The following C4orf46 variants were observed in gnomAD, a reference collection of about 807,000 sequenced individuals.
The protein encoded by C4orf46 is chromosome 4 open reading frame 46.
A neutral mutation model predicts 9.1 loss-of-function variants in C4orf46; 8 were observed. The observed-to-expected ratio is 0.88, with a 90% CI of 0.52 to 1.59. C4orf46 has a LOEUF of 1.59. C4orf46 is among the 40% of genes most tolerant of loss of function. The pLI, the probability that C4orf46 is intolerant of heterozygous loss-of-function variation, is 0.00. For synonymous variants in C4orf46, 51 were observed against 58.8 expected (o/e 0.87, Z 0.61); for missense variants, 151 against 139.1 (o/e 1.09, Z -0.43).
Position 158,668,365 on chromosome 4 carries a change from A to G in C4orf46, c.*1248T>C, listed in dbSNP as rs1464590154. 1.3e-5 allele frequency: 2 copies of G among 152,676 alleles called. No homozygotes were observed. Among genetic ancestry groups the G allele is most frequent in the African/African-American group, 4.8e-5 (2 of 41,462 alleles). 9.5% of individuals were successfully genotyped at this position (152,676 alleles called of 1,614,324 possible). ...TATCTTTAACTAAAAAAACTAATCAAGAACTATGACCTAATATGTTAAACA... is the reference window on the plus strand; with the variant it reads ...TATCTTTAACTAAAAAAACTAATCAGGAACTATGACCTAATATGTTAAACA... On this transcript the variant is annotated 3_prime_UTR_variant, in exon 2 of 2. Transcript: ENST00000379205.
chr4:158,669,862 C>T (rs1158146915), intron 1 of C4orf46, 94 bp from the exon 2 acceptor site: 13 of 1,000,764 alleles, frequency 1.3e-5, no homozygotes, highest in Non-Finnish European at 1.9e-5. Context: ...GAATCCAATG[C>T]CCATGTTATT....
intron 1 of C4orf46, among the ~76,000 whole-genome samples, chr4:158,671,282 C>T (rs1407893818): frequency 6.6e-6 from 1 of 152,204 alleles, no homozygotes; most frequent in African/African-American, 2.4e-5. Context: ...AGAGAGCCAG[C>T]AACAGGCAGC....
intron 1 of C4orf46, 78 bp from the exon 2 acceptor site, chr4:158,669,846 G>A (rs1301406598): frequency 1.6e-5 from 20 of 1,230,506 alleles, no homozygotes; most frequent in Admixed American, 1.0e-4. Flanking sequence ...AATAGCTTAA[G>A]GCTTTGAATC....
chr4:158,669,530 C>A lies in C4orf46; in HGVS notation c.*83G>T. ...TACAGAACTGCTGGACAGAGGTCAT[C>A]CTATATGTGTGGTACATGTACAAAA... On this transcript the variant is annotated 3_prime_UTR_variant, in exon 2 of 2. Coordinates refer to ENST00000379205, the MANE Select transcript of C4orf46 (RefSeq NM_001008393.4). 7.2e-7 allele frequency: 1 copy of A among 1,388,158 alleles called. No homozygotes were observed. Among genetic ancestry groups the A allele is most frequent in the Admixed American group, 1.8e-5 (1 of 54,396 alleles). 86.0% of individuals were successfully genotyped at this position (1,388,158 alleles called of 1,614,324 possible).
rs748375809 is a variant in C4orf46 at position 158,671,770 on chromosome 4, G to A, written c.32C>T (p.Ser11Leu). The A allele has an allele frequency of 1.4e-4, 213 of 1,554,732 alleles. No individual in the cohort carries two copies. Among genetic ancestry groups the A allele is most frequent in the Non-Finnish European group, 1.8e-4 (204 of 1,149,536 alleles). MADPEELQVS[S>L]PPPPPPSSPS... ...AGAAGAGGGAGGCGGCGGGGGCGGC[G>A]AAGAAACCTGCAACTCCTCAGGGTC... The change falls in exon 1 of 2, where the codon TCG (serine) becomes TTG (leucine). Residue 11 changes from serine (S) to leucine (L), a missense_variant. Coordinates refer to ENST00000379205, the MANE Select transcript of C4orf46 (RefSeq NM_001008393.4).
In C4orf46 at chr4:158,668,639, A is replaced by T. The variant is rs1580381772; in HGVS notation, c.*974T>A. 6.6e-6 allele frequency: 1 copy of T among 152,256 alleles called. No individual in the cohort carries two copies. Among genetic ancestry groups the T allele is most frequent in the East Asian group, 1.9e-4 (1 of 5,204 alleles). The allele number at this position is 152,256 out of a possible 1,614,324, so 9.4% of individuals were successfully genotyped here. On this transcript the variant is annotated 3_prime_UTR_variant, in exon 2 of 2. Coordinates refer to ENST00000379205, the MANE Select transcript of C4orf46 (RefSeq NM_001008393.4). ...AAGATCAAATAATACAAAAAAAATC[A>T]CATCATTTAAATTTGATGCATTGCA...
At chr4:158,669,884 T>A in intron 1 of C4orf46, 116 bp from the exon 2 acceptor site, 1 of 851,164 alleles carries the variant, frequency 1.2e-6, no homozygotes, top group Non-Finnish European at 1.8e-6. Context: ...TCTTTCAAAG[T>A]AATCAGTTTT....
At chr4:158,671,032 C>T (rs1773520884) in intron 1 of C4orf46, among the ~76,000 whole-genome samples, 1 of 152,188 alleles carries the variant, frequency 6.6e-6, no homozygotes, top group Non-Finnish European at 1.5e-5. Flanking sequence ...TCAAAGAAGC[C>T]AATCCACGTG....
rs1377465404 is a variant in C4orf46 at position 158,668,410 on chromosome 4, C to T, written c.*1203G>A. 6.6e-6 allele frequency: 1 copy of T among 152,610 alleles called. No homozygotes were observed. Among genetic ancestry groups the T allele is most frequent in the East Asian group, 1.9e-4 (1 of 5,200 alleles). 9.5% of individuals were successfully genotyped at this position (152,610 alleles called of 1,614,324 possible). A position where few individuals can be genotyped will look rare whatever the true frequency, so the allele number is the denominator to read the frequency against. ...TAAACAAAACTATTCTTTGCCCATC[C>T]ATCTGTCCCCTCTCATAGCCCCATT... On this transcript the variant is annotated 3_prime_UTR_variant, in exon 2 of 2. Transcript: ENST00000379205.
At chr4:158,672,018 G>T, upstream of C4orf46, 1 of 556,318 alleles carries the variant, frequency 1.8e-6, no homozygotes, top group Non-Finnish European at 3.2e-6. Context: ...CACGGCTCCT[G>T]CGCGAGCCTC....
chr4:158,671,772 A>T lies in C4orf46; in HGVS notation c.30T>A (p.Ser10=), dbSNP rs1773561688. 6.4e-7 allele frequency: 1 copy of T among 1,554,096 alleles called. No individual in the cohort carries two copies. The highest frequency in any genetic ancestry group is 1.2e-5 in the South Asian group (1 of 84,376). MADPEELQV[S]SPPPPPPSSP... ...AAGAGGGAGGCGGCGGGGGCGGCGA[A>T]GAAACCTGCAACTCCTCAGGGTCGG... Residue 10 remains serine (S), a synonymous_variant, in exon 1 of 2, where the codon TCT becomes TCA. Transcript: ENST00000379205.
upstream of C4orf46, chr4:158,672,032 T>G (rs1024003232): frequency 2.2e-5 from 12 of 553,938 alleles, no homozygotes; most frequent in Admixed American, 9.7e-5. Context: ...GAGCCTCCAA[T>G]CGATCTCGAA....
chr4:158,671,265 A>T (rs1773530773), intron 1 of C4orf46, among the ~76,000 whole-genome samples: 1 of 152,226 alleles, frequency 6.6e-6, no homozygotes, highest in Non-Finnish European at 1.5e-5. Flanking sequence ...ATGGGAAAGG[A>T]GGAGGCAGAG....
In C4orf46 at chr4:158,667,810, A is replaced by C. The variant is rs921102813; in HGVS notation, c.*1803T>G. ...GCACTGTAAAATGCAGGAGAAGGCT[A>C]TACTGGGGCATGAACACCAGGAGGC... On this transcript the variant is annotated 3_prime_UTR_variant, in exon 2 of 2. Coordinates refer to ENST00000379205, the MANE Select transcript of C4orf46 (RefSeq NM_001008393.4). 1.3e-5 allele frequency: 2 copies of C among 152,258 alleles called. No homozygotes were observed. The allele number at this position is 152,258 out of a possible 1,614,324, so 9.4% of individuals were successfully genotyped here. A position where few individuals can be genotyped will look rare whatever the true frequency, so the allele number is the denominator to read the frequency against.
chr4:158,671,873 G>C lies in C4orf46; in HGVS notation c.-72C>G, dbSNP rs530234245. 4.6e-6 allele frequency: 6 copies of C among 1,300,830 alleles called. No homozygotes were observed. The Admixed American group carries it at 1.8e-4, about 40-fold the overall frequency. 80.6% of individuals were successfully genotyped at this position (1,300,830 alleles called of 1,614,324 possible). ...CACCAACTGTCTTTTAACCACTCGCGCCCAAAGCCGAAAGGCCCCGCCTCC... is the reference window on the plus strand; with the variant it reads ...CACCAACTGTCTTTTAACCACTCGCCCCCAAAGCCGAAAGGCCCCGCCTCC... On this transcript the variant is annotated 5_prime_UTR_variant, in exon 1 of 2. Transcript: ENST00000379205.
In C4orf46 at chr4:158,666,958, T is replaced by G. The variant is rs964031738; in HGVS notation, c.*2655A>C. 1 of 152,230 alleles carries G rather than the reference T, an allele frequency of 6.6e-6. No individual in the cohort carries two copies. Among genetic ancestry groups the G allele is most frequent in the African/African-American group, 2.4e-5 (1 of 41,460 alleles). The allele number at this position is 152,230 out of a possible 1,614,324, so 9.4% of individuals were successfully genotyped here. A position where few individuals can be genotyped will look rare whatever the true frequency, so the allele number is the denominator to read the frequency against. Reference sequence around the variant, plus strand: ...GCTGATTAGAGCCATCTTCTCATCTTGGTATCAGGAAAGCATCTTTATCAA... The same window carrying G: ...GCTGATTAGAGCCATCTTCTCATCTGGGTATCAGGAAAGCATCTTTATCAA... On this transcript the variant is annotated 3_prime_UTR_variant, in exon 2 of 2. Transcript: ENST00000379205.
rs1275469142 is a variant in C4orf46, at chr4:158,671,876, C to T, written c.-75G>A. The T allele has an allele frequency of 3.8e-6, 5 of 1,300,214 alleles. No individual in the cohort carries two copies. The East Asian group carries it at 1.4e-4, about 36-fold the overall frequency. 80.5% of individuals were successfully genotyped at this position (1,300,214 alleles called of 1,614,324 possible). A position where few individuals can be genotyped will look rare whatever the true frequency, so the allele number is the denominator to read the frequency against. On this transcript the variant is annotated 5_prime_UTR_variant, in exon 1 of 2. Transcript: ENST00000379205. ...CAACTGTCTTTTAACCACTCGCGCC[C>T]AAAGCCGAAAGGCCCCGCCTCCTAA...
chr4:158,671,106 C>T (rs1773523475), intron 1 of C4orf46, among the ~76,000 whole-genome samples: 1 of 152,248 alleles, frequency 6.6e-6, no homozygotes, highest in African/African-American at 2.4e-5. Flanking sequence ...GCATTATCAG[C>T]TGTCCCTGGG....
rs572295401 is a variant in C4orf46, at chr4:158,668,592, T to C, written c.*1021A>G. On this transcript the variant is annotated 3_prime_UTR_variant, in exon 2 of 2. Coordinates refer to ENST00000379205, the MANE Select transcript of C4orf46 (RefSeq NM_001008393.4). ...ACCAAAAGCAACATAAGATACAGGA[T>C]GCAAAATAGAACACTGTCACTAAGA... 2.6e-5 allele frequency: 4 copies of C among 152,290 alleles called. No individual in the cohort carries two copies. Among genetic ancestry groups the C allele is most frequent in the Admixed American group, 2.0e-4 (3 of 15,298 alleles). The allele number at this position is 152,290 out of a possible 1,614,324, so 9.4% of individuals were successfully genotyped here.
Sources: allele counts gnomAD v4.1 joint callset (sites outside exome capture counted in the v4.1 genomes callset), GRCh38; gene constraint gnomAD v4.1.1; transcripts MANE v1.5; gene names NCBI Gene and HGNC (gene_info 2026-07-23, HGNC 2026-07-21).